The following TPST1 variants were observed in gnomAD, a reference collection of about 807,000 sequenced individuals.
TPST1 encodes protein-tyrosine sulfotransferase 1.
In TPST1, 20 loss-of-function variants were observed where a neutral mutation model predicts 34.8. That is an observed-to-expected ratio of 0.57 (90% CI 0.40 to 0.84). The LOEUF (loss-of-function observed/expected upper bound fraction) is 0.84. TPST1 is among the 40% of genes least tolerant of loss of function. The pLI, the probability that TPST1 is intolerant of heterozygous loss-of-function variation, is 0.00. For missense variants in TPST1, 353 were observed against 455.5 expected (o/e 0.78, Z 2.05); for synonymous variants, 152 against 159.4 (o/e 0.95, Z 0.35).
intron 3 of TPST1, among the ~76,000 whole-genome samples, chr7:66,306,922 C>T (rs1791435040): frequency 1.3e-5 from 2 of 152,070 alleles, no homozygotes; most frequent in African/African-American, 4.8e-5. Context: ...ACCATGTTGG[C>T]CAGGCTGGTC....
At chr7:66,311,736 G>GA (rs1357237286) in intron 3 of TPST1, among the ~76,000 whole-genome samples, 4 of 152,144 alleles carry the variant, frequency 2.6e-5, no homozygotes, top group Admixed American at 2.6e-4. Context: ...ATAATAATAA[G>GA]ATGGGAGAAG....
chr7:66,358,865 T>C (rs1198730384), intron 5 of TPST1, among the ~76,000 whole-genome samples: 1 of 152,208 alleles, frequency 6.6e-6, no homozygotes, highest in Non-Finnish European at 1.5e-5. Context: ...TGTTGTAGGA[T>C]GGACCGCATC....
chr7:66,353,355 G>A (rs1792519178), intron 4 of TPST1, among the ~76,000 whole-genome samples: 1 of 152,106 alleles, frequency 6.6e-6, no homozygotes, highest in African/African-American at 2.4e-5. Flanking sequence ...TCTGGTCCCA[G>A]CTACTTGGGA....
chr7:66,310,728 C>G (rs1490575702), intron 3 of TPST1, among the ~76,000 whole-genome samples: 1 of 152,102 alleles, frequency 6.6e-6, no homozygotes, highest in African/African-American at 2.4e-5. Flanking sequence ...CCAACTAATA[C>G]CATACTGGGT....
chr7:66,231,797 G>A (rs376383800), intron 1 of TPST1, among the ~76,000 whole-genome samples: 49 of 152,362 alleles, frequency 3.2e-4, no homozygotes, highest in African/African-American at 1.0e-3. Context: ...ACAGTGCAGC[G>A]GTGGGCTGAA....
intron 3 of TPST1, among the ~76,000 whole-genome samples, chr7:66,333,132 T>C (rs905490451): frequency 2.2e-4 from 34 of 152,336 alleles, no homozygotes; most frequent in African/African-American, 7.9e-4. Context: ...TTCTATGTAA[T>C]CCCACAGTTG....
At chr7:66,287,091 G>A (rs1365121421) in intron 3 of TPST1, among the ~76,000 whole-genome samples, 1 of 137,614 alleles carries the variant, frequency 7.3e-6, no homozygotes, top group Non-Finnish European at 1.5e-5. Context: ...ACCTATGAGT[G>A]AGAATATGCG....
At chr7:66,340,703 G>T (rs1020171230) in intron 3 of TPST1, among the ~76,000 whole-genome samples, 1 of 152,152 alleles carries the variant, frequency 6.6e-6, no homozygotes, top group Non-Finnish European at 1.5e-5. Flanking sequence ...GAATCTCTGT[G>T]ATGAAAACTG....
intron 4 of TPST1, 47 bp from the exon 5 acceptor site, chr7:66,356,778 C>G (rs1792590518): frequency 6.2e-7 from 1 of 1,613,430 alleles, no homozygotes; most frequent in East Asian, 2.2e-5. Context: ...ACTTCTCATG[C>G]TGACCAACTT....
At chr7:66,302,746 G>A (rs2116052977) in intron 3 of TPST1, among the ~76,000 whole-genome samples, 1 of 152,266 alleles carries the variant, frequency 6.6e-6, no homozygotes. Context: ...TTCATTTACT[G>A]CTTTTTCATG....
intron 3 of TPST1, among the ~76,000 whole-genome samples, chr7:66,350,421 T>C (rs1792451895): frequency 6.6e-6 from 1 of 152,130 alleles, no homozygotes; most frequent in South Asian, 2.1e-4. Context: ...GCTGCAGTTT[T>C]GTTATCCTGC....
chr7:66,219,047 A>ATTTT (rs376698635), intron 1 of TPST1, among the ~76,000 whole-genome samples: 1 of 108,904 alleles, frequency 9.2e-6, no homozygotes, highest in Non-Finnish European at 1.8e-5. Flanking sequence ...CGCCTGGCTA[A>ATTTT]TTTTTTTTTT....
intron 3 of TPST1, among the ~76,000 whole-genome samples, chr7:66,345,489 CAAAAAAAAAAAAAAA>C (rs58837242): frequency 9.3e-5 from 6 of 64,862 alleles, no homozygotes; most frequent in Non-Finnish European, 1.4e-4. Context: ...ACTCCATCTC[CAAAAAAAAAAAAAAA>C]AAAAAAAAAA....
intron 2 of TPST1, among the ~76,000 whole-genome samples, chr7:66,271,825 A>G (rs1219591986): frequency 6.8e-6 from 1 of 147,990 alleles, no homozygotes; most frequent in Non-Finnish European, 1.5e-5. Flanking sequence ...ACATTTTAGG[A>G]TTTTTTTTTT....
At chr7:66,338,782 A>G (rs533346405) in intron 3 of TPST1, among the ~76,000 whole-genome samples, 3 of 152,192 alleles carry the variant, frequency 2.0e-5, no homozygotes, top group South Asian at 2.1e-4. Flanking sequence ...AAATACCAAA[A>G]CCTATGGGAT....
At position 66,250,571 on chromosome 7, in the gene TPST1, A is replaced by G. The variant is rs1201829994; in HGVS notation, c.845+9301A>G. 2.0e-5 allele frequency among the ~76,000 whole-genome samples: 3 copies of G among 152,136 alleles called. 1 individual carries two copies. Among genetic ancestry groups the G allele is most frequent in the Non-Finnish European group, 4.4e-5 (3 of 68,028 alleles). ...TTTTCTTATCCTGGAAATGGGAATG[A>G]TAATATGTTAGATCCCCCTTATCTG... On this transcript the variant is annotated intron_variant, in intron 2 of 5. Coordinates refer to ENST00000304842, the MANE Select transcript of TPST1 (RefSeq NM_003596.4).
chr7:66,328,901 TA>T lies in TPST1; in HGVS notation c.1045-23603del, dbSNP rs1562847261. ...CTCTCTCTCTCTATATATATATATA[TA>T]TATATTTTTTTTTTTTTTTTTTTTT... On this transcript the variant is annotated intron_variant, in intron 3 of 5. Coordinates refer to ENST00000304842, the MANE Select transcript of TPST1 (RefSeq NM_003596.4). Among the ~76,000 whole-genome samples the T allele has an allele frequency of 1.3e-3, 75 of 58,324 alleles. 1 individual carries two copies. Among genetic ancestry groups the T allele is most frequent in the Non-Finnish European group, 1.9e-3 (60 of 31,314 alleles). The allele number at this position is 58,324 out of a possible 152,430, so 38.3% of individuals were successfully genotyped here.
chr7:66,278,360 G>A (rs555365461), intron 2 of TPST1, among the ~76,000 whole-genome samples: 1 of 152,192 alleles, frequency 6.6e-6, no homozygotes, highest in East Asian at 1.9e-4. Flanking sequence ...CTGCCGTGCG[G>A]GTAAGGTAGA....
At chr7:66,320,437 C>T (rs1314858659) in intron 3 of TPST1, among the ~76,000 whole-genome samples, 105 of 150,830 alleles carry the variant, frequency 7.0e-4, no homozygotes, top group Middle Eastern at 3.4e-3. Context: ...TTAGTAGAGG[C>T]GGGGTTTCAC....
Sources: gnomAD v4.1 joint callset for allele counts (sites outside exome capture counted in the v4.1 genomes callset) on GRCh38, gnomAD v4.1.1 for gene constraint, MANE v1.5 for transcripts, NCBI Gene and HGNC (gene_info 2026-07-23, HGNC 2026-07-21) for gene names.